Variants in PTPRD observed in about 807,000 individuals in gnomAD.
PTPRD encodes protein tyrosine phosphatase receptor type D, also known as receptor-type tyrosine-protein phosphatase delta.
PTPRD carries 34 observed loss-of-function variants against 214.5 expected under a neutral mutation model. That is an observed-to-expected ratio of 0.16 (90% CI 0.12 to 0.21). The LOEUF (loss-of-function observed/expected upper bound fraction) is 0.21, where lower values mean the gene tolerates loss of function less well. Among genes scored for constraint, PTPRD ranks in the 10% least tolerant of loss-of-function variants. The pLI is 1.00. For missense variants in PTPRD, 2,545 were observed against 2,398.7 expected, an observed-to-expected ratio of 1.06 and a Z score of -1.27; for synonymous variants, 1,128 against 845.7, an observed-to-expected ratio of 1.33 and a Z score of -5.79.
intron 7 of PTPRD, among the ~76,000 whole-genome samples, chr9:9,684,568 G>C (rs1298699277): frequency 6.6e-6 from 1 of 151,530 alleles, no homozygotes; most frequent in Non-Finnish European, 1.5e-5. Flanking sequence ...TAATACTTGG[G>C]AGGAGACTGA....
At chr9:9,939,031 A>G (rs2090566322) in intron 4 of PTPRD, among the ~76,000 whole-genome samples, 1 of 149,878 alleles carries the variant, frequency 6.7e-6, no homozygotes, top group Admixed American at 6.6e-5. Context: ...TTTTTTAACC[A>G]TGAAAAGGAA....
intron 37 of PTPRD, among the ~76,000 whole-genome samples, chr9:8,378,710 C>A: frequency 6.6e-6 from 1 of 151,984 alleles, no homozygotes; most frequent in East Asian, 1.9e-4. Context: ...ATTAATGCAA[C>A]AAAATGATCT....
intron 3 of PTPRD, among the ~76,000 whole-genome samples, chr9:10,061,724 G>A (rs1480468671): frequency 3.3e-5 from 5 of 152,042 alleles, no homozygotes; most frequent in Non-Finnish European, 7.4e-5. Context: ...TTTTCACAGA[G>A]GAATCTGAAA....
intron 3 of PTPRD, among the ~76,000 whole-genome samples, chr9:10,044,363 C>G (rs774092279): frequency 6.6e-6 from 1 of 151,590 alleles, no homozygotes; most frequent in Non-Finnish European, 1.5e-5. Flanking sequence ...AGCGATGAAG[C>G]CTTTGTTCTG....
At chr9:9,174,696 T>C (rs1262642154) in intron 10 of PTPRD, among the ~76,000 whole-genome samples, 1 of 152,216 alleles carries the variant, frequency 6.6e-6, no homozygotes, top group Non-Finnish European at 1.5e-5. Context: ...TGATTTCTAA[T>C]ATTTCAAAAA....
intron 12 of PTPRD, among the ~76,000 whole-genome samples, chr9:8,656,328 A>G (rs1313642098): frequency 6.6e-6 from 1 of 152,178 alleles, no homozygotes; most frequent in Non-Finnish European, 1.5e-5. Flanking sequence ...TCACTAAAAC[A>G]CCTGCTTCTT....
chr9:10,521,083 T>A (rs949546250), intron 2 of PTPRD, among the ~76,000 whole-genome samples: 2 of 151,972 alleles, frequency 1.3e-5, no homozygotes, highest in Non-Finnish European at 2.9e-5. Context: ...ATTCTTCTGA[T>A]AGATCTGGGA....
At chr9:9,606,965 TAA>T (rs754610072) in intron 7 of PTPRD, among the ~76,000 whole-genome samples, 613 of 27,240 alleles carry the variant, frequency 0.023, 5 homozygotes, top group Non-Finnish European at 0.028. Flanking sequence ...TCAGCACTGC[TAA>T]AAAAAAAAAA....
chr9:8,813,376 T>C (rs1472683533), intron 11 of PTPRD, among the ~76,000 whole-genome samples: 2 of 152,120 alleles, frequency 1.3e-5, no homozygotes, highest in Non-Finnish European at 2.9e-5. Flanking sequence ...ACAAACAGAA[T>C]GCATCTTAGG....
chr9:9,817,087 C>G (rs914592911), intron 5 of PTPRD, among the ~76,000 whole-genome samples: 1 of 152,060 alleles, frequency 6.6e-6, no homozygotes, highest in African/African-American at 2.4e-5. Flanking sequence ...TGAGCTTCCC[C>G]TAGGCAAGCT....
At chr9:9,169,962 T>C (rs1363275664) in intron 10 of PTPRD, among the ~76,000 whole-genome samples, 1 of 152,146 alleles carries the variant, frequency 6.6e-6, no homozygotes, top group Non-Finnish European at 1.5e-5. Flanking sequence ...CCATAAGGGA[T>C]TAGAAGGGGT....
chr9:9,425,517 T>C (rs534988716), intron 8 of PTPRD, among the ~76,000 whole-genome samples: 3 of 149,288 alleles, frequency 2.0e-5, no homozygotes, highest in East Asian at 3.9e-4. Flanking sequence ...GCCATAAAAG[T>C]AATGGCAAAA....
chr9:9,947,516 T>C lies in PTPRD; in HGVS notation c.-471-8906A>G, dbSNP rs1420370108. ...TTATATATATTTTATATATATAATA[T>C]ATATATTATATATATTTTATATATA... On this transcript the variant is annotated intron_variant, in intron 4 of 45. Coordinates refer to ENST00000381196, the MANE Select transcript of PTPRD (RefSeq NM_002839.4). 6.2e-4 allele frequency among the ~76,000 whole-genome samples: 17 copies of C among 27,290 alleles called. No individual in the cohort carries two copies. In the East Asian group the frequency reaches 0.1, roughly 163 times the overall value. The allele number at this position is 27,290 out of a possible 152,430, so 17.9% of individuals were successfully genotyped here.
intron 2 of PTPRD, among the ~76,000 whole-genome samples, chr9:10,524,703 G>A (rs951122153): frequency 6.6e-6 from 1 of 152,038 alleles, no homozygotes; most frequent in Non-Finnish European, 1.5e-5. Context: ...TAAGAGGAGT[G>A]TTTTATCCCC....
chr9:9,164,410 C>T (rs923586979), intron 10 of PTPRD, among the ~76,000 whole-genome samples: 2 of 152,126 alleles, frequency 1.3e-5, no homozygotes, highest in Admixed American at 6.6e-5. Context: ...ACATTGGGCC[C>T]ACCTAGGTAA....
chr9:10,245,074 T>C (rs1212690976), intron 3 of PTPRD, among the ~76,000 whole-genome samples: 1 of 152,178 alleles, frequency 6.6e-6, no homozygotes, highest in East Asian at 1.9e-4. Flanking sequence ...TTTCTAATGA[T>C]GACATAAAGT....
At chr9:9,413,410 G>A (rs575780787) in intron 8 of PTPRD, among the ~76,000 whole-genome samples, 13 of 152,102 alleles carry the variant, frequency 8.5e-5, no homozygotes, top group South Asian at 2.1e-4. Flanking sequence ...CACCGCGCCC[G>A]GCCTGCAGCT....
intron 3 of PTPRD, among the ~76,000 whole-genome samples, chr9:10,075,165 T>C (rs1436485160): frequency 4.6e-5 from 7 of 152,148 alleles, no homozygotes. Flanking sequence ...AAATAAGGCT[T>C]GTATCTTTTG....
At chr9:10,479,029 T>C (rs2099080552) in intron 2 of PTPRD, among the ~76,000 whole-genome samples, 1 of 152,112 alleles carries the variant, frequency 6.6e-6, no homozygotes, top group Non-Finnish European at 1.5e-5. Flanking sequence ...TTTTCAAACA[T>C]TACACAATTT....
Sources: allele counts gnomAD v4.1 joint callset (sites outside exome capture counted in the v4.1 genomes callset), GRCh38; gene constraint gnomAD v4.1.1; transcripts MANE v1.5; gene names NCBI Gene and HGNC (gene_info 2026-07-23, HGNC 2026-07-21).